PCSK5: variants seen among roughly 807,000 people sequenced by gnomAD.
PCSK5 encodes proprotein convertase subtilisin/kexin type 5.
PCSK5 carries 129 observed loss-of-function variants against 233.2 expected under a neutral mutation model. That is an observed-to-expected ratio of 0.55 (90% CI 0.48 to 0.64). The LOEUF (loss-of-function observed/expected upper bound fraction) is 0.64, where lower values mean the gene tolerates loss of function less well. Ranked by LOEUF, PCSK5 falls within the 30% of genes least tolerant of loss-of-function variation. The pLI is 0.00. For missense variants in PCSK5, 2,076 were observed against 2,430.1 expected, an observed-to-expected ratio of 0.85 and a Z score of 3.06; for synonymous variants, 825 against 879.2, an observed-to-expected ratio of 0.94 and a Z score of 1.09.
intron 20 of PCSK5, among the ~76,000 whole-genome samples, chr9:76,225,526 T>G (rs776442139): frequency 3.9e-5 from 6 of 152,246 alleles, no homozygotes; most frequent in Admixed American, 2.6e-4. Context: ...CCACTGAGTC[T>G]GCCTTGGGTC....
chr9:76,224,157 A>T (rs1335322182), intron 20 of PCSK5, among the ~76,000 whole-genome samples: 1 of 152,186 alleles, frequency 6.6e-6, no homozygotes. Flanking sequence ...AGGAAAAAAC[A>T]AGTTTTACAA....
intron 10 of PCSK5, among the ~76,000 whole-genome samples, chr9:76,143,759 T>C (rs1312059582): frequency 6.6e-6 from 1 of 151,668 alleles, no homozygotes; most frequent in Non-Finnish European, 1.5e-5. Context: ...AAAGAAGTGC[T>C]TTTTGAAATG....
At chr9:76,215,285 G>A (rs77385307) in intron 20 of PCSK5, among the ~76,000 whole-genome samples, 2,788 of 152,310 alleles carry the variant, frequency 0.018, 95 homozygotes, top group African/African-American at 0.062. Flanking sequence ...AGAAGTCACA[G>A]CAGGTCAGAC....
chr9:75,896,793 A>G (rs1426699597), intron 1 of PCSK5, among the ~76,000 whole-genome samples: 1 of 152,218 alleles, frequency 6.6e-6, no homozygotes, highest in Non-Finnish European at 1.5e-5. Flanking sequence ...CACAGCATAT[A>G]TATGTCAATT....
intron 31 of PCSK5, 100 bp from the exon 32 acceptor site, chr9:76,322,951 CA>C (rs1829250113): frequency 1.5e-6 from 1 of 680,824 alleles, no homozygotes; most frequent in South Asian, 1.8e-5. Context: ...ACTCTCAGGT[CA>C]AATCAACCAA....
intron 30 of PCSK5, among the ~76,000 whole-genome samples, chr9:76,312,547 A>C (rs1304585070): frequency 6.6e-6 from 1 of 151,874 alleles, no homozygotes; most frequent in South Asian, 2.1e-4. Flanking sequence ...ACTGGCACCT[A>C]TTTCCTAGTG....
chr9:76,192,609 AATTTAATTCTT>A (rs1824453661), intron 20 of PCSK5, among the ~76,000 whole-genome samples: 2 of 83,950 alleles, frequency 2.4e-5, no homozygotes, highest in African/African-American at 6.1e-5. Flanking sequence ...TCTTGTGTTG[AATTTAATTCTT>A]CTTCTTGTGT....
At chr9:76,323,339 C>T (rs1248198752) in intron 32 of PCSK5, 51 bp downstream of exon 32, 2 of 1,035,232 alleles carry the variant, frequency 1.9e-6, no homozygotes, top group Non-Finnish European at 1.5e-6. Context: ...ATAGTTCCAG[C>T]CCCAGCCCCA....
chr9:76,029,457 T>C (rs1828566889), intron 5 of PCSK5, among the ~76,000 whole-genome samples: 1 of 152,228 alleles, frequency 6.6e-6, no homozygotes, highest in Non-Finnish European at 1.5e-5. Flanking sequence ...TTCCAGTCCT[T>C]ATTTTTATTA....
At chr9:76,327,091 G>C (rs1360554074) in intron 32 of PCSK5, among the ~76,000 whole-genome samples, 4 of 149,640 alleles carry the variant, frequency 2.7e-5, no homozygotes, top group Non-Finnish European at 5.9e-5. Flanking sequence ...GCAAAGTGAA[G>C]GCCCATCTCT....
chr9:76,042,011 G>T (rs932671893), intron 5 of PCSK5, among the ~76,000 whole-genome samples: 3 of 152,150 alleles, frequency 2.0e-5, no homozygotes, highest in Non-Finnish European at 2.9e-5. Context: ...CTCAATAAGT[G>T]GTCATGTTGT....
At position 76,239,176 on chromosome 9, in the gene PCSK5, T is replaced by A; in HGVS notation, c.3073+11T>A. 2 of 1,561,334 alleles carry A rather than the reference T, an allele frequency of 1.3e-6. No homozygotes were observed. Among genetic ancestry groups the A allele is most frequent in the Non-Finnish European group, 1.7e-6 (2 of 1,152,746 alleles). ...TAGAGTGTGGACAAGGTAAGCCTGC[T>A]CCTGGGCCCTTGCCCAGCACCCGAA... is the stretch of plus-strand genomic sequence containing the variant. On this transcript the variant is annotated intron_variant, in intron 23 of 37. Coordinates refer to ENST00000674117, the MANE Select transcript of PCSK5 (RefSeq NM_001372043.1).
chr9:76,210,971 C>T (rs1825308310), intron 20 of PCSK5, among the ~76,000 whole-genome samples: 1 of 152,004 alleles, frequency 6.6e-6, no homozygotes, highest in Non-Finnish European at 1.5e-5. Context: ...GTGGCACTCA[C>T]CTAGATTGGA....
intron 20 of PCSK5, among the ~76,000 whole-genome samples, chr9:76,210,653 A>G (rs1825294588): frequency 6.6e-6 from 1 of 152,194 alleles, no homozygotes; most frequent in South Asian, 2.1e-4. Context: ...CAGCGTTGCA[A>G]GATTTTAGGT....
chr9:76,008,543 C>T (rs1351776748), intron 3 of PCSK5, among the ~76,000 whole-genome samples: 1 of 151,912 alleles, frequency 6.6e-6, no homozygotes. Flanking sequence ...CTCACCACAA[C>T]CTCTGCCTCC....
intron 7 of PCSK5, among the ~76,000 whole-genome samples, chr9:76,077,450 G>T (rs1272942387): frequency 6.6e-6 from 1 of 151,996 alleles, no homozygotes; most frequent in African/African-American, 2.4e-5. Context: ...TTAGATTCAG[G>T]GGTACATGTG....
chr9:76,348,648 G>A (rs1184172121), intron 35 of PCSK5, among the ~76,000 whole-genome samples: 3 of 151,422 alleles, frequency 2.0e-5, no homozygotes, highest in Non-Finnish European at 4.4e-5. Flanking sequence ...TTTGTGGTAA[G>A]AACATCTGAA....
At chr9:76,209,745 A>G (rs866928356) in intron 20 of PCSK5, among the ~76,000 whole-genome samples, 1 of 152,048 alleles carries the variant, frequency 6.6e-6, no homozygotes. Context: ...CAGAATCACC[A>G]GTTGATATAC....
At chr9:76,082,172 T>C (rs1262644797) in intron 7 of PCSK5, among the ~76,000 whole-genome samples, 3 of 152,200 alleles carry the variant, frequency 2.0e-5, no homozygotes, top group Non-Finnish European at 4.4e-5. Context: ...CATGTCATCT[T>C]AGGAAAGGAC....
Sources: allele counts gnomAD v4.1 joint callset (sites outside exome capture counted in the v4.1 genomes callset), GRCh38; gene constraint gnomAD v4.1.1; transcripts MANE v1.5; gene names NCBI Gene and HGNC (gene_info 2026-07-23, HGNC 2026-07-21).